The following PDE1C variants were observed in gnomAD, a reference collection of about 807,000 sequenced individuals.
The protein encoded by PDE1C is phosphodiesterase 1C.
Under a neutral mutation model 93.1 loss-of-function variants are expected in PDE1C, and 62 were observed. The ratio of observed to expected loss-of-function variants is 0.67; its 90% CI spans 0.54 to 0.82. The LOEUF is 0.82. Ranked by LOEUF, PDE1C falls within the 40% of genes least tolerant of loss-of-function variation. The pLI, the probability that PDE1C is intolerant of heterozygous loss-of-function variation, is 0.00. For missense variants in PDE1C, 742 were observed against 884.6 expected (o/e 0.84, Z 2.04); for synonymous variants, 325 against 310.1 (o/e 1.05, Z -0.50).
intron 16 of PDE1C, chr7:31,789,975 G>C: frequency 1.0e-5 from 13 of 1,245,068 alleles, no homozygotes; most frequent in Non-Finnish European, 1.3e-5. Flanking sequence ...TTTTGTTTCT[G>C]TTTGAGTAAA....
At chr7:32,322,520 C>G (rs182484768) in intron 1 of PDE1C, among the ~76,000 whole-genome samples, 25 of 152,312 alleles carry the variant, frequency 1.6e-4, no homozygotes, top group Admixed American at 1.4e-3. Flanking sequence ...AGGAGAATCA[C>G]TTGAGCCCAG....
At chr7:32,015,398 C>A (rs149521575) in intron 2 of PDE1C, among the ~76,000 whole-genome samples, 1 of 151,914 alleles carries the variant, frequency 6.6e-6, no homozygotes, top group South Asian at 2.1e-4. Context: ...ACATTGTTAA[C>A]GCCAAATGGT....
intron 1 of PDE1C, among the ~76,000 whole-genome samples, chr7:32,235,012 A>C (rs996881983): frequency 6.6e-6 from 1 of 152,106 alleles, no homozygotes; most frequent in African/African-American, 2.4e-5. Context: ...CCATATGATC[A>C]TATCAGTTGA....
intron 2 of PDE1C, among the ~76,000 whole-genome samples, chr7:31,890,389 G>A (rs1769028089): frequency 6.6e-6 from 1 of 152,224 alleles, no homozygotes; most frequent in Admixed American, 6.5e-5. Flanking sequence ...TGGCACTAAT[G>A]AGAACAGGAA....
chr7:31,971,922 C>A (rs1024450830), intron 2 of PDE1C, among the ~76,000 whole-genome samples: 5 of 152,190 alleles, frequency 3.3e-5, no homozygotes, highest in Non-Finnish European at 7.3e-5. Flanking sequence ...TAATAACCGC[C>A]CACTGTAACT....
chr7:32,121,505 A>AGACTAACAT (rs761427905), intron 3 of PDE1C, among the ~76,000 whole-genome samples: 12 of 152,190 alleles, frequency 7.9e-5, no homozygotes, highest in Non-Finnish European at 1.6e-4. Context: ...CTACATAGGG[A>AGACTAACAT]AGCCTAACAG....
chr7:31,658,386 G>A, the PDE1C span: 1 of 1,496,016 alleles, frequency 6.7e-7, no homozygotes, highest in Non-Finnish European at 8.8e-7. Context: ...ACTCTGGTCT[G>A]TTGTAATTGT....
rs533649781 is a variant in PDE1C at position 31,751,413 on chromosome 7, C to G, written c.*1971G>C. On this transcript the variant is annotated 3_prime_UTR_variant, in exon 18 of 18. Coordinates refer to ENST00000396191, the MANE Select transcript of PDE1C (RefSeq NM_001191057.4). ...ACATCAAGAAGCACAGCCAAGAAAA[C>G]ACAGCCTCATTAAATTCTCAATACC... 6.6e-6 allele frequency: 1 copy of G among 152,126 alleles called. No homozygotes were observed. Among genetic ancestry groups the G allele is most frequent in the Non-Finnish European group, 1.5e-5 (1 of 68,022 alleles). 9.4% of individuals were successfully genotyped at this position (152,126 alleles called of 1,614,324 possible). A position where few individuals can be genotyped will look rare whatever the true frequency, so the allele number is the denominator to read the frequency against.
the PDE1C span, among the ~76,000 whole-genome samples, chr7:31,694,218 T>C: frequency 3.9e-5 from 6 of 152,098 alleles, no homozygotes; most frequent in Non-Finnish European, 8.8e-5. Context: ...CACTCAGGAC[T>C]GGAGTTAATA....
chr7:32,108,631 C>T (rs1056905087), intron 3 of PDE1C, among the ~76,000 whole-genome samples: 2 of 152,196 alleles, frequency 1.3e-5, no homozygotes, highest in African/African-American at 4.8e-5. Flanking sequence ...TGTACCATGA[C>T]AAAGACCAAC....
chr7:32,254,143 A>G (rs529546845), intron 1 of PDE1C, among the ~76,000 whole-genome samples: 15 of 152,310 alleles, frequency 9.8e-5, no homozygotes, highest in African/African-American at 3.1e-4. Flanking sequence ...CCAAGAGTAC[A>G]TTTGAGGACA....
the PDE1C span, among the ~76,000 whole-genome samples, chr7:31,673,705 G>C: frequency 1.1e-5 from 1 of 92,392 alleles, no homozygotes; most frequent in African/African-American, 5.3e-5. Flanking sequence ...GTATAAGGTA[G>C]AAACTAGTTT....
At chr7:31,770,235 T>G (rs1262951887) in intron 17 of PDE1C, among the ~76,000 whole-genome samples, 1 of 152,224 alleles carries the variant, frequency 6.6e-6, no homozygotes, top group Non-Finnish European at 1.5e-5. Context: ...TCCTTGCCAC[T>G]TTTTAATTGG....
intron 3 of PDE1C, among the ~76,000 whole-genome samples, chr7:32,083,264 A>C (rs1490458900): frequency 1.3e-5 from 2 of 151,182 alleles, no homozygotes; most frequent in Non-Finnish European, 3.0e-5. Context: ...ATGGAAGATG[A>C]AATGAATGAA....
At chr7:31,763,120 T>C (rs934728186) in intron 17 of PDE1C, among the ~76,000 whole-genome samples, 1 of 152,142 alleles carries the variant, frequency 6.6e-6, no homozygotes, top group Non-Finnish European at 1.5e-5. Context: ...TGACCAGGCT[T>C]GAAAACCACT....
intron 1 of PDE1C, among the ~76,000 whole-genome samples, chr7:32,063,507 A>C (rs141187140): frequency 6.6e-6 from 1 of 152,366 alleles, no homozygotes. Context: ...CTCAGTCAAG[A>C]TATTAAGCAC....
At chr7:31,666,339 T>A in the PDE1C span, among the ~76,000 whole-genome samples, 1 of 152,222 alleles carries the variant, frequency 6.6e-6, no homozygotes, top group Non-Finnish European at 1.5e-5. Flanking sequence ...CTTTCACTCA[T>A]CATATAAGCA....
intron 7 of PDE1C, among the ~76,000 whole-genome samples, chr7:31,852,029 A>T (rs1419557583): frequency 6.6e-6 from 1 of 152,226 alleles, no homozygotes; most frequent in Non-Finnish European, 1.5e-5. Flanking sequence ...GGTCTGAATT[A>T]AAGATCAGTG....
intron 2 of PDE1C, among the ~76,000 whole-genome samples, chr7:32,181,823 G>A (rs1353025027): frequency 2.0e-5 from 3 of 152,134 alleles, no homozygotes. Context: ...AGGAAATAGA[G>A]ACACAAAAAA....
Sources: allele counts gnomAD v4.1 joint callset (sites outside exome capture counted in the v4.1 genomes callset), GRCh38; gene constraint gnomAD v4.1.1; transcripts MANE v1.5; gene names NCBI Gene and HGNC (gene_info 2026-07-23, HGNC 2026-07-21).